Variants in CIRSR observed in about 807,000 individuals in gnomAD.
The protein encoded by CIRSR is CBF1 (RBPJ) interacting corepressor 1.
chr2:174,348,363 A>C, the CIRSR span: 1 of 1,403,818 alleles, frequency 7.1e-7, no homozygotes, highest in East Asian at 2.4e-5. Context: ...GAGATGAAAA[A>C]TTAAAATTGA....
At chr2:174,364,465 G>T in the CIRSR span, among the ~76,000 whole-genome samples, 2 of 152,224 alleles carry the variant, frequency 1.3e-5, no homozygotes, top group African/African-American at 4.8e-5. Context: ...CTACTAAGCA[G>T]TGCCCCAGTA....
At chr2:174,353,940 TA>T in the CIRSR span, among the ~76,000 whole-genome samples, 2 of 152,096 alleles carry the variant, frequency 1.3e-5, no homozygotes, top group African/African-American at 2.4e-5. Flanking sequence ...AACTTGTTAA[TA>T]ATTAGAATAA....
chr2:174,369,014 G>C, the CIRSR span, among the ~76,000 whole-genome samples: 5 of 152,230 alleles, frequency 3.3e-5, no homozygotes, highest in African/African-American at 1.2e-4. Flanking sequence ...AAGAGAGTCA[G>C]CTTGTCCTTT....
the CIRSR span, among the ~76,000 whole-genome samples, chr2:174,362,685 TCAAAA>T: frequency 3.6e-4 from 30 of 83,960 alleles, 10 homozygotes; most frequent in African/African-American, 1.6e-4. Context: ...AGACTCTGCC[TCAAAA>T]AAAAAAAAAA....
chr2:174,381,648 CTG>C, the CIRSR span: 3 of 1,370,974 alleles, frequency 2.2e-6, no homozygotes, highest in African/African-American at 1.5e-5. Flanking sequence ...CAGGGCAAGA[CTG>C]TGCCTCAGAA....
chr2:174,384,485 A>C, the CIRSR span, among the ~76,000 whole-genome samples: 1 of 152,244 alleles, frequency 6.6e-6, no homozygotes. Flanking sequence ...GGGTACACTG[A>C]ATTGCACACT....
the CIRSR span, chr2:174,369,872 TATA>T: frequency 4.2e-6 from 5 of 1,180,088 alleles, no homozygotes; most frequent in Non-Finnish European, 4.5e-6. Flanking sequence ...ACCATAATGA[TATA>T]ATAATACAAG....
chr2:174,368,025 C>A, the CIRSR span, among the ~76,000 whole-genome samples: 33 of 152,118 alleles, frequency 2.2e-4, no homozygotes, highest in Non-Finnish European at 4.4e-4. Context: ...CAGGAAGACA[C>A]AACAATCCCA....
chr2:174,354,661 TAA>T, the CIRSR span, among the ~76,000 whole-genome samples: 3 of 91,048 alleles, frequency 3.3e-5, no homozygotes, highest in Non-Finnish European at 4.1e-5. Context: ...ATATATTATA[TAA>T]TATATATTAT....
the CIRSR span, among the ~76,000 whole-genome samples, chr2:174,369,667 C>G: frequency 2.6e-5 from 4 of 152,076 alleles, no homozygotes; most frequent in African/African-American, 9.7e-5. Flanking sequence ...TATTAATTGC[C>G]TAAATTCAAT....
chr2:174,377,462 A>C, the CIRSR span, among the ~76,000 whole-genome samples: 2 of 152,148 alleles, frequency 1.3e-5, no homozygotes, highest in African/African-American at 4.8e-5. Flanking sequence ...GTGTCACCTG[A>C]CAATACTGAG....
At chr2:174,388,369 T>C in the CIRSR span, among the ~76,000 whole-genome samples, 1 of 152,066 alleles carries the variant, frequency 6.6e-6, no homozygotes, top group East Asian at 1.9e-4. Flanking sequence ...AAACTAATTT[T>C]TTTGTATTTT....
chr2:174,354,409 T>A, the CIRSR span, among the ~76,000 whole-genome samples: 12 of 91,762 alleles, frequency 1.3e-4, no homozygotes, highest in Non-Finnish European at 2.1e-4. Flanking sequence ...ATTTTATATA[T>A]TATATATAAT....
the CIRSR span, among the ~76,000 whole-genome samples, chr2:174,388,080 C>A: frequency 6.6e-6 from 1 of 152,222 alleles, no homozygotes; most frequent in South Asian, 2.1e-4. Flanking sequence ...CCGTCCTGGG[C>A]CACATGTGAC....
At chr2:174,390,381 G>A in the CIRSR span, among the ~76,000 whole-genome samples, 1 of 152,184 alleles carries the variant, frequency 6.6e-6, no homozygotes, top group African/African-American at 2.4e-5. Context: ...CCTTTGTTTT[G>A]TCCAAATTGT....
chr2:174,367,037 CA>C, the CIRSR span, among the ~76,000 whole-genome samples: 2 of 151,658 alleles, frequency 1.3e-5, no homozygotes, highest in African/African-American at 4.8e-5. Context: ...AACTAAGAGA[CA>C]AAAAAAGGAA....
chr2:174,386,481 C>T, the CIRSR span, among the ~76,000 whole-genome samples: 1 of 152,166 alleles, frequency 6.6e-6, no homozygotes, highest in African/African-American at 2.4e-5. Flanking sequence ...TGCGCCCGAC[C>T]AAATTAGGGT....
chr2:174,349,941 G>C, the CIRSR span, among the ~76,000 whole-genome samples: 5 of 152,040 alleles, frequency 3.3e-5, no homozygotes, highest in African/African-American at 1.2e-4. Flanking sequence ...ATATTCTCCA[G>C]AAATTCTGAG....
At chr2:174,351,797 T>C in the CIRSR span, 3 of 1,130,666 alleles carry the variant, frequency 2.7e-6, 1 homozygote, top group Middle Eastern at 6.1e-4. Flanking sequence ...ACAGTAGGAA[T>C]GCAGTTGAAG....
Sources: allele counts gnomAD v4.1 joint callset (sites outside exome capture counted in the v4.1 genomes callset), GRCh38; gene constraint gnomAD v4.1.1; transcripts MANE v1.5; gene names NCBI Gene and HGNC (gene_info 2026-07-23, HGNC 2026-07-21).